Variants in TNNI3K observed in about 807,000 individuals in gnomAD.
TNNI3K encodes TNNI3 interacting kinase.
A neutral mutation model predicts 114.5 loss-of-function variants in TNNI3K; 140 were observed. The ratio of observed to expected loss-of-function variants is 1.22; its 90% CI spans 1.07 to 1.41. The LOEUF is 1.41. TNNI3K is among the 40% of genes most tolerant of loss of function. TNNI3K has a pLI of 0.00. For synonymous variants in TNNI3K, 347 were observed against 347.5 expected (o/e 1.00, Z 0.02); for missense variants, 1,125 against 1,007.6 (o/e 1.12, Z -1.58).
intron 23 of TNNI3K, among the ~76,000 whole-genome samples, chr1:74,514,048 T>C (rs1646310397): frequency 6.6e-6 from 1 of 152,192 alleles, no homozygotes; most frequent in Non-Finnish European, 1.5e-5. Context: ...AAACGATAAC[T>C]GCGTTTTTCA....
chr1:74,250,919 T>G lies in TNNI3K; in HGVS notation c.333+150T>G, dbSNP rs1654892681. On this transcript the variant is annotated intron_variant, in intron 4 of 24. Coordinates refer to ENST00000326637, the MANE Select transcript of TNNI3K (RefSeq NM_015978.3). ...TACTAAAGGACTTCTTTCTCTTTAT[T>G]GAGCAGATACCTGCTGCATACTAGA... 1.7e-5 allele frequency: 10 copies of G among 591,308 alleles called. 1 individual carries two copies. The South Asian group carries it at 3.0e-4, about 17-fold the overall frequency. 36.6% of individuals were successfully genotyped at this position (591,308 alleles called of 1,614,324 possible). A position where few individuals can be genotyped will look rare whatever the true frequency, so the allele number is the denominator to read the frequency against.
At chr1:74,434,264 A>T (rs1176850502) in intron 17 of TNNI3K, among the ~76,000 whole-genome samples, 1 of 151,760 alleles carries the variant, frequency 6.6e-6, no homozygotes, top group Non-Finnish European at 1.5e-5. Flanking sequence ...TTTAGCATGC[A>T]CTCTCTGATT....
At chr1:74,251,452 T>C (rs184261428) in intron 4 of TNNI3K, among the ~76,000 whole-genome samples, 5 of 152,330 alleles carry the variant, frequency 3.3e-5, no homozygotes, top group Non-Finnish European at 7.3e-5. Flanking sequence ...TCATACTAAG[T>C]TTAATGTATT....
intron 24 of TNNI3K, among the ~76,000 whole-genome samples, chr1:74,542,274 G>C (rs1646736498): frequency 6.6e-6 from 1 of 152,176 alleles, no homozygotes; most frequent in Non-Finnish European, 1.5e-5. Flanking sequence ...AGAGGCACTG[G>C]AACATCACAG....
At chr1:74,242,859 C>T (rs1654329030) in intron 2 of TNNI3K, among the ~76,000 whole-genome samples, 1 of 152,010 alleles carries the variant, frequency 6.6e-6, no homozygotes. Flanking sequence ...CTGCCTCTCT[C>T]TCTCTATCTC....
At chr1:74,475,359 T>C (rs1668144498) in intron 21 of TNNI3K, 1 of 715,424 alleles carries the variant, frequency 1.4e-6, no homozygotes, top group Non-Finnish European at 2.6e-6. Context: ...CAAGATTCCA[T>C]AGCTTTTGAA....
intron 4 of TNNI3K, among the ~76,000 whole-genome samples, chr1:74,253,685 GC>G (rs1282957414): frequency 6.6e-6 from 1 of 152,036 alleles, no homozygotes; most frequent in Non-Finnish European, 1.5e-5. Flanking sequence ...CTCTAGCTGG[GC>G]CGCAAGCCCC....
At chr1:74,263,627 G>T (rs1469868046) in intron 4 of TNNI3K, among the ~76,000 whole-genome samples, 7 of 151,798 alleles carry the variant, frequency 4.6e-5, no homozygotes. Context: ...TTGGGGAGAA[G>T]AGGATATAAA....
At chr1:74,356,282 G>A (rs992810365) in intron 11 of TNNI3K, among the ~76,000 whole-genome samples, 6 of 152,172 alleles carry the variant, frequency 3.9e-5, no homozygotes, top group Non-Finnish European at 8.8e-5. Context: ...TACTGTTCAC[G>A]AGCATTTGGA....
At chr1:74,352,636 G>T (rs1267462695) in intron 9 of TNNI3K, among the ~76,000 whole-genome samples, 1 of 152,198 alleles carries the variant, frequency 6.6e-6, no homozygotes, top group East Asian at 1.9e-4. Context: ...CTTCCCAGAA[G>T]CTTTGTTTAC....
In TNNI3K at chr1:74,331,460, T is replaced by A; in HGVS notation, c.455T>A (p.Val152Glu). ...CATTTTCTTGTCCAGGCTGCTGATG[T>A]GCTGTTGCAACATGGAGCTAATGTC... ...TIAGHLEAADVLLQHGANVNI... is the reference protein window; with the variant it reads ...TIAGHLEAADELLQHGANVNI... Residue 152 changes from valine to glutamate, a missense_variant, in exon 6 of 25, where the codon GTG (valine) becomes GAG (glutamate). Val to Glu is a moderately radical substitution (Grantham distance 121). Transcript: ENST00000326637. The A allele has an allele frequency of 6.2e-7, 1 of 1,613,386 alleles. No homozygotes were observed. The highest frequency in any genetic ancestry group is 8.5e-7 in the Non-Finnish European group (1 of 1,179,750).
intron 23 of TNNI3K, among the ~76,000 whole-genome samples, chr1:74,530,290 C>G (rs1236877841): frequency 2.0e-5 from 3 of 152,202 alleles, no homozygotes; most frequent in African/African-American, 7.2e-5. Context: ...TTGAGAATCA[C>G]TTCTAGAGCC....
At chr1:74,518,110 G>C (rs976033883) in intron 23 of TNNI3K, among the ~76,000 whole-genome samples, 1 of 152,148 alleles carries the variant, frequency 6.6e-6, no homozygotes, top group African/African-American at 2.4e-5. Flanking sequence ...GGTGGACCAG[G>C]AGGTTCCCAG....
intron 5 of TNNI3K, among the ~76,000 whole-genome samples, chr1:74,272,958 T>G (rs1437449046): frequency 6.6e-6 from 1 of 150,996 alleles, no homozygotes; most frequent in Non-Finnish European, 1.5e-5. Context: ...CTCAACAATG[T>G]AAAAGATGAG....
chr1:74,472,209 A>G (rs1667970871), intron 21 of TNNI3K: 2 of 716,360 alleles, frequency 2.8e-6, no homozygotes, highest in East Asian at 5.4e-5. Context: ...TATCTGTGGA[A>G]CAATAAATGC....
At position 74,342,891 on chromosome 1, in the gene TNNI3K, AT is replaced by A. The variant is rs1175276623; in HGVS notation, c.735del (p.Phe245LeufsTer6). ...ATGTCCCACTCCATTTCTGTTCTCG[AT>A]TTGGACACCATGATATAGTTAAGTA... ...DHVPLHFCSR[F>X]GHHDIVKYLL... On this transcript the variant is annotated frameshift_variant, in exon 8 of 25. Transcript: ENST00000326637. LOFTEE classifies it high-confidence loss of function. 1 of 1,613,742 alleles carries A rather than the reference AT, an allele frequency of 6.2e-7. No individual in the cohort carries two copies. Among genetic ancestry groups the A allele is most frequent in the East Asian group, 2.2e-5 (1 of 44,856 alleles).
chr1:74,387,835 G>T (rs1173137212), intron 17 of TNNI3K, among the ~76,000 whole-genome samples: 1 of 152,154 alleles, frequency 6.6e-6, no homozygotes, highest in Non-Finnish European at 1.5e-5. Context: ...AAAATAGCTA[G>T]CAGTGTCTGG....
intron 9 of TNNI3K, among the ~76,000 whole-genome samples, chr1:74,347,496 A>G (rs1419512620): frequency 3.3e-5 from 5 of 152,130 alleles, no homozygotes; most frequent in Admixed American, 6.5e-5. Context: ...CATGATTTAT[A>G]ATCCTCTGGG....
intron 23 of TNNI3K, among the ~76,000 whole-genome samples, chr1:74,510,052 T>C (rs1019817013): frequency 6.6e-5 from 10 of 152,258 alleles, no homozygotes; most frequent in African/African-American, 2.4e-4. Context: ...ATGTCACAGA[T>C]TTTCTATTGC....
Sources: allele counts gnomAD v4.1 joint callset (sites outside exome capture counted in the v4.1 genomes callset), GRCh38; gene constraint gnomAD v4.1.1; transcripts MANE v1.5; gene names NCBI Gene and HGNC (gene_info 2026-07-23, HGNC 2026-07-21).